The following FAM228B variants were observed in gnomAD, a reference collection of about 807,000 sequenced individuals.
FAM228B encodes protein FAM228B.
In FAM228B, 38 loss-of-function variants were observed where a neutral mutation model predicts 42.6. The ratio of observed to expected loss-of-function variants is 0.89; its 90% CI spans 0.69 to 1.17. The LOEUF is 1.17. Among genes scored for constraint, FAM228B ranks in the 50% most tolerant of loss-of-function variants. The probability of loss-of-function intolerance (pLI) is 0.00; values close to 1 mark genes in which losing one functional copy is unlikely to be tolerated. For missense variants in FAM228B, 344 were observed against 367.3 expected (o/e 0.94, Z 0.52); for synonymous variants, 109 against 122.3 (o/e 0.89, Z 0.72).
intron 2 of FAM228B, among the ~76,000 whole-genome samples, chr2:24,081,690 G>GTT (rs36028901): frequency 2.3e-4 from 31 of 137,384 alleles, no homozygotes; most frequent in South Asian, 4.7e-4. Context: ...CCTTGATACT[G>GTT]TTTTTTTTTT....
rs981065604 is a variant in FAM228B, at chr2:24,136,412, C to T, written c.168+1225C>T. 4.6e-5 allele frequency among the ~76,000 whole-genome samples: 7 copies of T among 152,252 alleles called. No individual in the cohort carries two copies. In the South Asian group the frequency reaches 8.3e-4, roughly 18 times the overall value. On this transcript the variant is annotated intron_variant, in intron 3 of 10. Transcript: ENST00000615575. Reference sequence around the variant, plus strand: ...CTAACTTTTGTATTTTTAGTAGAGACGTGGTTTCACCACATTGGCCAGGCT... The same window carrying T: ...CTAACTTTTGTATTTTTAGTAGAGATGTGGTTTCACCACATTGGCCAGGCT...
At chr2:24,098,271 A>T (rs1665541810) in intron 3 of FAM228B, among the ~76,000 whole-genome samples, 1 of 152,210 alleles carries the variant, frequency 6.6e-6, no homozygotes, top group South Asian at 2.1e-4. Flanking sequence ...GAAGGCAAGA[A>T]ATAACTGAGA....
chr2:24,133,666 T>C (rs1357955368), intron 2 of FAM228B, among the ~76,000 whole-genome samples: 1 of 152,224 alleles, frequency 6.6e-6, no homozygotes, highest in Non-Finnish European at 1.5e-5. Flanking sequence ...ATGGAAAAAT[T>C]AATGCTGTCA....
rs149763872 is a variant in FAM228B, at chr2:24,132,875, G to A, written c.100-2244G>A. On this transcript the variant is annotated intron_variant, in intron 2 of 10. Transcript: ENST00000615575. Reference sequence around the variant, plus strand: ...TGAAGTTGGCAGCAGATGAAGTCACGGTTTAGTCTTTTTTTATCTTAAGCT... The same window carrying A: ...TGAAGTTGGCAGCAGATGAAGTCACAGTTTAGTCTTTTTTTATCTTAAGCT... 5.3e-5 allele frequency among the ~76,000 whole-genome samples: 8 copies of A among 152,186 alleles called. No individual in the cohort carries two copies. In the South Asian group the frequency reaches 8.3e-4, roughly 16 times the overall value.
At chr2:24,089,465 C>T (rs1011681927) in intron 2 of FAM228B, among the ~76,000 whole-genome samples, 11 of 152,068 alleles carry the variant, frequency 7.2e-5, no homozygotes, top group Admixed American at 3.3e-4. Flanking sequence ...TCCATTCTAC[C>T]CAATGGGTAG....
At chr2:24,135,984 T>G (rs910233115) in intron 3 of FAM228B, among the ~76,000 whole-genome samples, 1 of 151,290 alleles carries the variant, frequency 6.6e-6, no homozygotes, top group Non-Finnish European at 1.5e-5. Context: ...GGGTTTTTTT[T>G]TTTTTTTTTT....
intron 2 of FAM228B, 24 bp from the exon 3 acceptor site, chr2:24,135,095 C>G: frequency 7.1e-7 from 1 of 1,408,590 alleles, no homozygotes; most frequent in Non-Finnish European, 9.7e-7. Context: ...ATTTTCTTTT[C>G]AAAGTTTAAT....
At chr2:24,103,050 C>CT (rs1206133562) in intron 3 of FAM228B, among the ~76,000 whole-genome samples, 1 of 152,302 alleles carries the variant, frequency 6.6e-6, no homozygotes, top group East Asian at 1.9e-4. Flanking sequence ...CTCACTGATA[C>CT]TTTTTTTGCT....
intron 2 of FAM228B, among the ~76,000 whole-genome samples, chr2:24,133,602 A>G (rs757417470): frequency 2.6e-5 from 4 of 152,238 alleles, no homozygotes; most frequent in Non-Finnish European, 5.9e-5. Context: ...CTAGAAATCA[A>G]CTGCTTCCAT....
chr2:24,145,679 T>G (rs1666876463), intron 5 of FAM228B, among the ~76,000 whole-genome samples: 1 of 150,884 alleles, frequency 6.6e-6, no homozygotes, highest in Non-Finnish European at 1.5e-5. Context: ...TACAAATACC[T>G]GAAAATGATA....
At chr2:24,167,558 A>C in intron 9 of FAM228B, 69 bp from the exon 10 acceptor site, 2 of 1,545,098 alleles carry the variant, frequency 1.3e-6, no homozygotes, top group Middle Eastern at 1.7e-4. Flanking sequence ...TTATGAAGAC[A>C]GTCTGTTCAG....
At chr2:24,160,041 T>A (rs1667251893) in intron 7 of FAM228B, among the ~76,000 whole-genome samples, 3 of 150,534 alleles carry the variant, frequency 2.0e-5, no homozygotes, top group African/African-American at 7.3e-5. Context: ...CAGAGTGGAG[T>A]GCAGTGGCGT....
At chr2:24,146,672 G>T (rs1573774762) in intron 5 of FAM228B, 76 bp from the exon 6 acceptor site, 1 of 960,468 alleles carries the variant, frequency 1.0e-6, no homozygotes. Flanking sequence ...ATCCATATGT[G>T]GATGCTTAGA....
At chr2:24,164,994 A>G (rs1295319327) in intron 9 of FAM228B, among the ~76,000 whole-genome samples, 1 of 152,106 alleles carries the variant, frequency 6.6e-6, no homozygotes, top group African/African-American at 2.4e-5. Context: ...GGAGAAGGTG[A>G]GACTTCAGAC....
intron 2 of FAM228B, chr2:24,085,745 C>A (rs1006455946): frequency 6.6e-6 from 1 of 152,226 alleles, no homozygotes; most frequent in Non-Finnish European, 1.5e-5. Flanking sequence ...CCCAACCTGT[C>A]TCCTCCACTG....
chr2:24,162,383 C>T (rs1215319349), intron 8 of FAM228B, among the ~76,000 whole-genome samples: 1 of 152,136 alleles, frequency 6.6e-6, no homozygotes, highest in East Asian at 1.9e-4. Flanking sequence ...TCTCAGCTAA[C>T]TAGTTTTAGA....
At chr2:24,148,509 G>A (rs1221939486) in intron 7 of FAM228B, among the ~76,000 whole-genome samples, 2 of 152,132 alleles carry the variant, frequency 1.3e-5, no homozygotes, top group African/African-American at 4.8e-5. Context: ...TGTCCTGTCT[G>A]TCTTCCAACG....
Position 24,080,982 on chromosome 2 carries a change from A to G in FAM228B, c.-210+27A>G. On this transcript the variant is annotated intron_variant, in intron 2 of 10. Coordinates refer to the FAM228B transcript ENST00000613899. The surrounding 1 kb of genome is among the most constrained non-coding windows in gnomAD (Gnocchi z 4.7). ...TGAGTTGGATAGCAGCTGTGCCCAC[A>G]CCACTCAGTCCTGCATGGATTAGCA... The G allele has an allele frequency of 1.2e-6, 2 of 1,614,098 alleles. No homozygotes were observed. The highest frequency in any genetic ancestry group is 8.5e-7 in the Non-Finnish European group (1 of 1,180,024).
chr2:24,110,200 T>C (rs776878687), intron 3 of FAM228B, among the ~76,000 whole-genome samples: 1 of 152,190 alleles, frequency 6.6e-6, no homozygotes, highest in Non-Finnish European at 1.5e-5. Context: ...AAATACCACC[T>C]GTTCTCACTT....
Sources: gnomAD v4.1 joint callset for allele counts (sites outside exome capture counted in the v4.1 genomes callset) on GRCh38, gnomAD v4.1.1 for gene constraint, Gnocchi (gnomAD v3.1) non-coding constraint, MANE v1.5 for transcripts, NCBI Gene and HGNC (gene_info 2026-07-23, HGNC 2026-07-21) for gene names.